ARPC2: variants seen among roughly 807,000 people sequenced by gnomAD.
The protein encoded by ARPC2 is actin-related protein 2/3 complex subunit 2.
ARPC2 carries 4 observed loss-of-function variants against 38.6 expected under a neutral mutation model. That is an observed-to-expected ratio of 0.10 (90% CI 0.05 to 0.24). The LOEUF (loss-of-function observed/expected upper bound fraction) is 0.24. ARPC2 is among the 10% of genes least tolerant of loss of function. The probability of loss-of-function intolerance (pLI) is 1.00; values close to 1 mark genes in which losing one functional copy is unlikely to be tolerated. For missense variants in ARPC2, 229 were observed against 387.3 expected, an observed-to-expected ratio of 0.59 and a Z score of 3.43; for synonymous variants, 125 against 140.8, an observed-to-expected ratio of 0.89 and a Z score of 0.79.
At chr2:218,217,575 G>A in intron 2 of ARPC2, 31 bp downstream of exon 2, 1 of 1,591,714 alleles carries the variant, frequency 6.3e-7, no homozygotes, top group Non-Finnish European at 8.6e-7. Context: ...GGGGGTGGCG[G>A]GGGAAGCAGA....
intron 2 of ARPC2, among the ~76,000 whole-genome samples, chr2:218,224,578 C>G (rs1689455192): frequency 6.6e-6 from 1 of 152,206 alleles, no homozygotes; most frequent in South Asian, 2.1e-4. Context: ...AAAATGAAGG[C>G]TCAGAAGCAA....
intron 8 of ARPC2, among the ~76,000 whole-genome samples, chr2:218,247,126 C>A (rs1690057535): frequency 6.6e-6 from 1 of 151,970 alleles, no homozygotes; most frequent in South Asian, 2.1e-4. Flanking sequence ...CCCTATCTCA[C>A]CAAAAAAAGG....
chr2:218,232,614 G>C (rs546993120), intron 4 of ARPC2, among the ~76,000 whole-genome samples: 1 of 147,302 alleles, frequency 6.8e-6, no homozygotes, highest in Admixed American at 6.9e-5. Context: ...AGTGCACCCA[G>C]GCTGGAGTGC....
chr2:218,228,948 A>C, intron 4 of ARPC2, 98 bp downstream of exon 4: 1 of 723,248 alleles, frequency 1.4e-6, no homozygotes. Context: ...TCACCCCCAC[A>C]TGACTACTTG....
At chr2:218,221,479 A>C (rs1689383175) in intron 2 of ARPC2, among the ~76,000 whole-genome samples, 1 of 152,226 alleles carries the variant, frequency 6.6e-6, no homozygotes, top group South Asian at 2.1e-4. Context: ...GTCTTTTTAC[A>C]GGTCACTGTA....
chr2:218,229,813 T>C (rs1284603739), intron 4 of ARPC2, among the ~76,000 whole-genome samples: 4 of 152,180 alleles, frequency 2.6e-5, no homozygotes, highest in Non-Finnish European at 5.9e-5. Flanking sequence ...TTTAGAGGAT[T>C]TGGAATCCAG....
chr2:218,239,884 C>T (rs957985100), intron 7 of ARPC2, among the ~76,000 whole-genome samples: 3 of 152,100 alleles, frequency 2.0e-5, no homozygotes, highest in African/African-American at 7.2e-5. Flanking sequence ...AGCCACCATG[C>T]CCAGCCTTGA....
Position 218,245,437 on chromosome 2 carries a change from C to G in ARPC2, c.567C>G (p.Arg189=). 6.2e-7 allele frequency: 1 copy of G among 1,614,154 alleles called. No homozygotes were observed. The highest frequency in any genetic ancestry group is 8.5e-7 in the Non-Finnish European group (1 of 1,180,022). ...CTTGGCAGGAGTTCAAAGAAGGACG[C>G]AGAGCCAGCCACACAGCCCCACAGG... ...KVFMQEFKEG[R]RASHTAPQVL... is the part of the protein sequence containing the mutation. Residue 189 remains arginine (R), a synonymous_variant, in exon 8 of 11, where the codon CGC becomes CGG. Transcript: ENST00000315717.
intron 5 of ARPC2, chr2:218,235,301 C>T (rs1249681811): frequency 6.4e-5 from 10 of 157,384 alleles, no homozygotes; most frequent in South Asian, 5.4e-4. Context: ...TTAGCCTCTC[C>T]GGTAGCTGGG....
intron 2 of ARPC2, among the ~76,000 whole-genome samples, chr2:218,222,003 C>G (rs1020982081): frequency 2.0e-5 from 3 of 152,204 alleles, no homozygotes; most frequent in African/African-American, 7.2e-5. Context: ...CACCCTGGCT[C>G]ACGCCTGTAA....
chr2:218,219,359 C>CTT (rs397944295), intron 2 of ARPC2, among the ~76,000 whole-genome samples: 5 of 147,772 alleles, frequency 3.4e-5, no homozygotes, highest in African/African-American at 7.5e-5. Context: ...ACTTCCAGGA[C>CTT]TTTTTTTTTT....
At chr2:218,222,240 C>G (rs1460795438) in intron 2 of ARPC2, among the ~76,000 whole-genome samples, 1 of 151,982 alleles carries the variant, frequency 6.6e-6, no homozygotes, top group Admixed American at 6.6e-5. Flanking sequence ...GCACTCCAGC[C>G]TGGGTGACAG....
chr2:218,226,002 A>C (rs1350690628), intron 3 of ARPC2, 48 bp downstream of exon 3: 3 of 1,593,284 alleles, frequency 1.9e-6, no homozygotes, highest in African/African-American at 2.7e-5. Context: ...CAATATGAAA[A>C]ATAGGAAATA....
At chr2:218,228,381 T>G (rs1291227401) in intron 3 of ARPC2, among the ~76,000 whole-genome samples, 1 of 151,708 alleles carries the variant, frequency 6.6e-6, no homozygotes, top group Admixed American at 6.6e-5. Context: ...CCAGCCTGGG[T>G]GACAGAGTAA....
chr2:218,249,119 A>G (rs1194409881), intron 8 of ARPC2, among the ~76,000 whole-genome samples: 1 of 152,210 alleles, frequency 6.6e-6, no homozygotes, highest in Non-Finnish European at 1.5e-5. Context: ...CAGGAGTAGA[A>G]TGAAGGCCTA....
intron 10 of ARPC2, chr2:218,253,042 A>G (rs1424333372): frequency 6.6e-6 from 3 of 455,430 alleles, no homozygotes; most frequent in African/African-American, 2.0e-5. Context: ...GGTGGGTAGG[A>G]GTTAAGTGAC....
chr2:218,218,601 A>G (rs1689314519), intron 2 of ARPC2, among the ~76,000 whole-genome samples: 1 of 152,236 alleles, frequency 6.6e-6, no homozygotes, highest in African/African-American at 2.4e-5. Flanking sequence ...TCTGGGTTTC[A>G]CAGTTAATAA....
At position 218,228,865 on chromosome 2, in the gene ARPC2, A is replaced by G. The variant is rs1689567511; in HGVS notation, c.222+15A>G. 1 of 1,498,392 alleles carries G rather than the reference A, an allele frequency of 6.7e-7. No homozygotes were observed. Among genetic ancestry groups the G allele is most frequent in the African/African-American group, 1.4e-5 (1 of 72,348 alleles). The allele number at this position is 1,498,392 out of a possible 1,614,324, so 92.8% of individuals were successfully genotyped here. A position where few individuals can be genotyped will look rare whatever the true frequency, so the allele number is the denominator to read the frequency against. ...GTGCTGATGAGGTAAGATCCACATC[A>G]TTTTCCTTGGGACTCTTGTTTCCTC... On this transcript the variant is annotated intron_variant, in intron 4 of 10. Coordinates refer to ENST00000315717, the MANE Select transcript of ARPC2 (RefSeq NM_152862.3).
At chr2:218,238,615 A>G (rs1438623352) in intron 5 of ARPC2, 49 bp from the exon 6 acceptor site, 1 of 824,084 alleles carries the variant, frequency 1.2e-6, no homozygotes, top group African/African-American at 2.1e-5. Flanking sequence ...TTTTTTTTAA[A>G]TGTAACTGCT....
Sources: allele counts gnomAD v4.1 joint callset (sites outside exome capture counted in the v4.1 genomes callset), GRCh38; gene constraint gnomAD v4.1.1; transcripts MANE v1.5; gene names NCBI Gene and HGNC (gene_info 2026-07-23, HGNC 2026-07-21).